Variants in CXADR observed in about 807,000 individuals in gnomAD.
CXADR encodes CXADR cell adhesion molecule, also known as coxsackievirus and adenovirus receptor.
A neutral mutation model predicts 40.3 loss-of-function variants in CXADR; 20 were observed. The observed-to-expected ratio is 0.50, with a 90% CI of 0.35 to 0.72. CXADR has a LOEUF of 0.72. Ranked by LOEUF, CXADR falls within the 30% of genes least tolerant of loss-of-function variation. The pLI is 0.01. For missense variants in CXADR, 332 were observed against 449.1 expected (o/e 0.74, Z 2.36); for synonymous variants, 150 against 161.3 (o/e 0.93, Z 0.53).
chr21:17,584,253 A>G (rs1428802819), intron 7 of CXADR, among the ~76,000 whole-genome samples: 1 of 152,238 alleles, frequency 6.6e-6, no homozygotes, highest in Admixed American at 6.5e-5. Flanking sequence ...AATCCATGTA[A>G]AGCACCTAGT....
chr21:17,521,113 A>T (rs1311902872), intron 1 of CXADR, among the ~76,000 whole-genome samples: 1 of 152,098 alleles, frequency 6.6e-6, no homozygotes, highest in Non-Finnish European at 1.5e-5. Flanking sequence ...GAGGCGGGGG[A>T]AACATGAACT....
chr21:17,625,294 G>A, the CXADR span, among the ~76,000 whole-genome samples: 1 of 151,684 alleles, frequency 6.6e-6, no homozygotes, highest in Non-Finnish European at 1.5e-5. Flanking sequence ...GGTCATTATA[G>A]CAACTTCTAT....
Position 17,567,748 on chromosome 21 carries a change from C to A in CXADR, c.*2056C>A, listed in dbSNP as rs2061229521. On this transcript the variant is annotated 3_prime_UTR_variant, in exon 7 of 7. Transcript: ENST00000284878. ...ATAAAAAATAAGTAAATAAACAGAACATTAATAATAAAGTTTTGGTTCTTC... is the reference window on the plus strand; with the variant it reads ...ATAAAAAATAAGTAAATAAACAGAAAATTAATAATAAAGTTTTGGTTCTTC... 3 of 840,496 alleles carry A rather than the reference C, an allele frequency of 3.6e-6. No individual in the cohort carries two copies. The highest frequency in any genetic ancestry group is 2.9e-6 in the Non-Finnish European group (2 of 697,676). The allele number at this position is 840,496 out of a possible 1,614,324, so 52.1% of individuals were successfully genotyped here. A position where few individuals can be genotyped will look rare whatever the true frequency, so the allele number is the denominator to read the frequency against.
chr21:17,528,703 C>G (rs1178921765), intron 1 of CXADR, among the ~76,000 whole-genome samples: 4 of 152,160 alleles, frequency 2.6e-5, no homozygotes, highest in Non-Finnish European at 5.9e-5. Context: ...GCAGCACGCC[C>G]GGCCAACCAG....
At chr21:17,585,028 A>G (rs2061385203) in intron 7 of CXADR, among the ~76,000 whole-genome samples, 1 of 152,176 alleles carries the variant, frequency 6.6e-6, no homozygotes, top group Non-Finnish European at 1.5e-5. Context: ...AGTTTAGTAA[A>G]ACAAAATCAC....
chr21:17,561,529 T>C, intron 6 of CXADR, 53 bp downstream of exon 6: 1 of 1,471,762 alleles, frequency 6.8e-7, no homozygotes, highest in Non-Finnish European at 9.2e-7. Context: ...ATGTCATTTC[T>C]CTAAAGCATT....
downstream of CXADR, among the ~76,000 whole-genome samples, chr21:17,574,944 A>T (rs899404549): frequency 1.3e-5 from 2 of 152,040 alleles, no homozygotes; most frequent in Non-Finnish European, 2.9e-5. Context: ...TCACTCAAAT[A>T]GGAAGTAGGG....
chr21:17,541,574 G>A (rs906194319), intron 1 of CXADR, among the ~76,000 whole-genome samples: 9 of 149,520 alleles, frequency 6.0e-5, no homozygotes, highest in Non-Finnish European at 1.2e-4. Context: ...AAAATCCTAT[G>A]TTCCACCTAT....
At chr21:17,530,260 C>T (rs1420930968) in intron 1 of CXADR, 11 of 300,590 alleles carry the variant, frequency 3.7e-5, no homozygotes, top group Non-Finnish European at 6.5e-5. Context: ...CCACTGGGCC[C>T]GGCCTCCTTC....
intron 7 of CXADR, among the ~76,000 whole-genome samples, chr21:17,584,096 T>C (rs562010773): frequency 2.0e-4 from 30 of 152,316 alleles, no homozygotes; most frequent in African/African-American, 7.2e-4. Flanking sequence ...TTGTGCTTAC[T>C]CATGATTTAA....
At chr21:17,555,048 T>G (rs1253841016) in intron 3 of CXADR, among the ~76,000 whole-genome samples, 1 of 152,300 alleles carries the variant, frequency 6.6e-6, no homozygotes, top group South Asian at 2.1e-4. Context: ...GCAGAAGCTC[T>G]TGTGGATGCA....
chr21:17,559,381 C>T (rs1465746858), intron 4 of CXADR, among the ~76,000 whole-genome samples: 3 of 151,852 alleles, frequency 2.0e-5, no homozygotes, highest in Admixed American at 1.3e-4. Flanking sequence ...GACAGGATCT[C>T]CCTGCGTTGC....
intron 7 of CXADR, among the ~76,000 whole-genome samples, chr21:17,576,104 A>AT (rs397690913): frequency 6.7e-6 from 1 of 150,178 alleles, no homozygotes; most frequent in Non-Finnish European, 1.5e-5. Flanking sequence ...AAAAAAAAAA[A>AT]GTTTTTAAGG....
At chr21:17,528,861 T>C (rs1265183913) in intron 1 of CXADR, among the ~76,000 whole-genome samples, 1 of 152,068 alleles carries the variant, frequency 6.6e-6, no homozygotes, top group Non-Finnish European at 1.5e-5. Context: ...ACTGGTCTTC[T>C]GGCTACTTTA....
intron 7 of CXADR, among the ~76,000 whole-genome samples, chr21:17,585,243 A>G (rs918639192): frequency 6.6e-6 from 1 of 152,202 alleles, no homozygotes; most frequent in Non-Finnish European, 1.5e-5. Context: ...TATTTCTGAA[A>G]GAGATTTGTA....
rs1341572266 is a variant in CXADR, at chr21:17,568,292, C to T, written c.*2600C>T. 6.2e-6 allele frequency: 5 copies of T among 800,682 alleles called. No homozygotes were observed. The highest frequency in any genetic ancestry group is 1.9e-5 in the African/African-American group (1 of 52,996). 49.6% of individuals were successfully genotyped at this position (800,682 alleles called of 1,614,324 possible). A position where few individuals can be genotyped will look rare whatever the true frequency, so the allele number is the denominator to read the frequency against. On this transcript the variant is annotated 3_prime_UTR_variant, in exon 7 of 7. Transcript: ENST00000284878. ...TACAGGCTCCCATCACCACGCTCGG[C>T]TAAGTTTTTGTAATTTTAGTAGAGA...
intron 1 of CXADR, among the ~76,000 whole-genome samples, chr21:17,540,842 G>A (rs2060817691): frequency 6.6e-6 from 1 of 152,026 alleles, no homozygotes; most frequent in African/African-American, 2.4e-5. Context: ...TGCCAAGATT[G>A]GCCTTATTGA....
intron 1 of CXADR, among the ~76,000 whole-genome samples, chr21:17,546,177 A>G (rs2060894716): frequency 6.6e-6 from 1 of 152,232 alleles, no homozygotes; most frequent in Admixed American, 6.5e-5. Flanking sequence ...AGCATTCAAT[A>G]GAAGGTTATA....
the CXADR span, among the ~76,000 whole-genome samples, chr21:17,626,244 C>G: frequency 1.3e-5 from 2 of 151,524 alleles, no homozygotes; most frequent in Non-Finnish European, 2.9e-5. Context: ...CATACCTATC[C>G]CCTTGGAATT....
Sources: allele counts gnomAD v4.1 joint callset (sites outside exome capture counted in the v4.1 genomes callset), GRCh38; gene constraint gnomAD v4.1.1; transcripts MANE v1.5; gene names NCBI Gene and HGNC (gene_info 2026-07-23, HGNC 2026-07-21).